The following MED13L variants were observed in gnomAD, a reference collection of about 807,000 sequenced individuals.
MED13L encodes the protein mediator of RNA polymerase II transcription subunit 13-like.
In MED13L, 7 loss-of-function variants were observed where a neutral mutation model predicts 220.9. The observed-to-expected ratio is 0.03, with a 90% CI of 0.02 to 0.06. MED13L has a LOEUF of 0.06. Ranked by LOEUF, MED13L falls within the 10% of genes least tolerant of loss-of-function variation. The pLI, the probability that MED13L is intolerant of heterozygous loss-of-function variation, is 1.00. For missense variants in MED13L, 1,965 were observed against 2,760.5 expected (o/e 0.71, Z 6.46); for synonymous variants, 1,011 against 1,015.2 (o/e 1.00, Z 0.08).
At position 115,960,305 on chromosome 12, in the gene MED13L, A is replaced by G. The variant is rs1305957968; in HGVS notation, c.*961T>C. The G allele has an allele frequency of 6.6e-6, 1 of 152,650 alleles. No homozygotes were observed. Among genetic ancestry groups the G allele is most frequent in the Non-Finnish European group, 1.5e-5 (1 of 68,042 alleles). The allele number at this position is 152,650 out of a possible 1,614,324, so 9.5% of individuals were successfully genotyped here. A position where few individuals can be genotyped will look rare whatever the true frequency, so the allele number is the denominator to read the frequency against. ...TTCCAATAAGAATTCACTAGAAAAT[A>G]TATTTCCGTTGTGACTATATAAAAC... On this transcript the variant is annotated 3_prime_UTR_variant, in exon 31 of 31. Coordinates refer to ENST00000281928, the MANE Select transcript of MED13L (RefSeq NM_015335.5).
intron 11 of MED13L, chr12:116,007,134 G>C (rs1879097479): frequency 2.2e-6 from 1 of 465,108 alleles, no homozygotes; most frequent in South Asian, 2.4e-5. Flanking sequence ...AGGCCAACAA[G>C]AATTAGCATA....
At chr12:116,122,243 C>T (rs184729152) in intron 2 of MED13L, among the ~76,000 whole-genome samples, 1 of 152,280 alleles carries the variant, frequency 6.6e-6, no homozygotes, top group Admixed American at 6.5e-5. Flanking sequence ...GAAGTATCTG[C>T]TTTCTTAAAA....
Position 115,993,763 on chromosome 12 carries a change from G to T in MED13L, c.2997-1806C>A, listed in dbSNP as rs190557064. Among the ~76,000 whole-genome samples the T allele has an allele frequency of 4.7e-4, 71 of 152,304 alleles. 1 individual carries two copies. In the South Asian group the frequency reaches 0.014, roughly 31 times the overall value. On this transcript the variant is annotated intron_variant, in intron 16 of 30. Transcript: ENST00000281928. ...CCTAAAGAATTAAATTGCTCCCTGGGTAGTAAGAATGGTTTATCTTGTAAT... is the reference window on the plus strand; with the variant it reads ...CCTAAAGAATTAAATTGCTCCCTGGTTAGTAAGAATGGTTTATCTTGTAAT...
intron 4 of MED13L, among the ~76,000 whole-genome samples, chr12:116,062,581 G>A (rs558949463): frequency 3.6e-4 from 53 of 147,982 alleles, no homozygotes; most frequent in African/African-American, 1.2e-3. Flanking sequence ...TCCACCTCCC[G>A]GGTTCAAGTG....
chr12:116,012,066 T>C (rs1177146148), intron 9 of MED13L, among the ~76,000 whole-genome samples: 1 of 152,196 alleles, frequency 6.6e-6, no homozygotes, highest in Non-Finnish European at 1.5e-5. Context: ...AAAGTGTATA[T>C]TTCAGAAGCA....
intron 1 of MED13L, among the ~76,000 whole-genome samples, chr12:116,252,987 C>T (rs930069500): frequency 8.5e-5 from 13 of 152,114 alleles, no homozygotes; most frequent in South Asian, 4.1e-4. Flanking sequence ...GAGGGCCAGG[C>T]GTGATGGCTC....
chr12:116,069,517 C>G (rs1020646337), intron 4 of MED13L, among the ~76,000 whole-genome samples: 12 of 152,192 alleles, frequency 7.9e-5, no homozygotes, highest in African/African-American at 2.9e-4. Flanking sequence ...CTGGTTGAAA[C>G]TGAGTATTCT....
chr12:116,219,543 T>C (rs1006255487), intron 2 of MED13L, among the ~76,000 whole-genome samples: 2 of 152,216 alleles, frequency 1.3e-5, no homozygotes, highest in Admixed American at 6.5e-5. Context: ...GATTAATTCA[T>C]TGTTTATGTC....
chr12:116,261,783 C>A (rs1023564044), intron 1 of MED13L, among the ~76,000 whole-genome samples: 2 of 152,190 alleles, frequency 1.3e-5, no homozygotes, highest in Admixed American at 1.3e-4. Context: ...GATTCCTGTT[C>A]TATGGCATAT....
At chr12:116,167,098 A>C (rs1005169059) in intron 2 of MED13L, among the ~76,000 whole-genome samples, 2 of 152,188 alleles carry the variant, frequency 1.3e-5, no homozygotes, top group African/African-American at 4.8e-5. Context: ...GTTTTAAAGA[A>C]ACAAAAGATT....
At chr12:116,102,702 T>C (rs1873172835) in intron 3 of MED13L, among the ~76,000 whole-genome samples, 1 of 88,714 alleles carries the variant, frequency 1.1e-5, no homozygotes, top group Admixed American at 1.1e-4. Flanking sequence ...TTTTTCTTTT[T>C]CTTTTTTCTT....
chr12:116,238,951 C>T (rs773670802), intron 1 of MED13L, among the ~76,000 whole-genome samples: 8 of 151,932 alleles, frequency 5.3e-5, no homozygotes, highest in Non-Finnish European at 8.8e-5. Flanking sequence ...CAAAATTAGC[C>T]GGGCGTGGTG....
chr12:116,127,020 A>G (rs932324841), intron 2 of MED13L, among the ~76,000 whole-genome samples: 1 of 152,162 alleles, frequency 6.6e-6, no homozygotes, highest in Non-Finnish European at 1.5e-5. Context: ...CAAATAATTA[A>G]CTTACAAATT....
intron 2 of MED13L, among the ~76,000 whole-genome samples, chr12:116,209,499 T>C (rs1298517252): frequency 1.3e-5 from 2 of 152,190 alleles, no homozygotes; most frequent in African/African-American, 4.8e-5. Context: ...TCTCTGGCCC[T>C]TTCTGATGCC....
chr12:116,034,223 G>A (rs901395169), intron 4 of MED13L, among the ~76,000 whole-genome samples: 2 of 152,026 alleles, frequency 1.3e-5, no homozygotes, highest in Non-Finnish European at 2.9e-5. Flanking sequence ...TGTGAGGACA[G>A]GAATCATATT....
chr12:116,094,992 T>C (rs572365428), intron 4 of MED13L, among the ~76,000 whole-genome samples: 1 of 152,160 alleles, frequency 6.6e-6, no homozygotes, highest in African/African-American at 2.4e-5. Flanking sequence ...CAAAACCCTG[T>C]CTTTACAAAA....
chr12:116,091,782 T>C (rs1386337519), intron 4 of MED13L, among the ~76,000 whole-genome samples: 1 of 152,262 alleles, frequency 6.6e-6, no homozygotes, highest in Non-Finnish European at 1.5e-5. Context: ...GTACATGTTT[T>C]ACATGCCTCT....
At chr12:116,232,895 T>C (rs1463102395) in intron 2 of MED13L, among the ~76,000 whole-genome samples, 4 of 152,280 alleles carry the variant, frequency 2.6e-5, no homozygotes, top group African/African-American at 9.6e-5. Flanking sequence ...GAGATCAACC[T>C]GGCCAACATG....
At chr12:116,148,796 A>T (rs941878729) in intron 2 of MED13L, 2 of 156,124 alleles carry the variant, frequency 1.3e-5, no homozygotes, top group African/African-American at 4.8e-5. Context: ...CTATTCGTCT[A>T]ACCAATCAAT....
Sources: allele counts gnomAD v4.1 joint callset (sites outside exome capture counted in the v4.1 genomes callset), GRCh38; gene constraint gnomAD v4.1.1; transcripts MANE v1.5; gene names NCBI Gene and HGNC (gene_info 2026-07-23, HGNC 2026-07-21).